The following GRIA4 variants were observed in gnomAD, a reference collection of about 807,000 sequenced individuals.
GRIA4 encodes the protein glutamate ionotropic receptor AMPA type subunit 4.
In GRIA4, 34 loss-of-function variants were observed where a neutral mutation model predicts 104.0. The ratio of observed to expected loss-of-function variants is 0.33; its 90% CI spans 0.25 to 0.44. The LOEUF (loss-of-function observed/expected upper bound fraction) is 0.44, where lower values mean the gene tolerates loss of function less well. GRIA4 is among the 20% of genes least tolerant of loss of function. The pLI is 1.00. For missense variants in GRIA4, 750 were observed against 1,096.5 expected, an observed-to-expected ratio of 0.68 and a Z score of 4.46; for synonymous variants, 386 against 381.9, an observed-to-expected ratio of 1.01 and a Z score of -0.13.
chr11:105,973,700 A>AT (rs1322956233), intron 15 of GRIA4, among the ~76,000 whole-genome samples: 1 of 152,096 alleles, frequency 6.6e-6, no homozygotes, highest in South Asian at 2.1e-4. Flanking sequence ...CAAAAGTAAC[A>AT]TTTTCCATGA....
chr11:105,708,932 G>A (rs540746297), intron 3 of GRIA4, among the ~76,000 whole-genome samples: 2 of 150,462 alleles, frequency 1.3e-5, no homozygotes, highest in African/African-American at 4.9e-5. Flanking sequence ...ATGTGTAGAT[G>A]TGTGTGTAAG....
intron 3 of GRIA4, chr11:105,707,991 G>A (rs994809959): frequency 6.6e-6 from 1 of 152,108 alleles, no homozygotes; most frequent in Non-Finnish European, 1.5e-5. Context: ...GCTCAGGAAA[G>A]TGTCTGTCAC....
intron 4 of GRIA4, among the ~76,000 whole-genome samples, chr11:105,783,647 T>C (rs1941824614): frequency 6.6e-6 from 1 of 152,168 alleles, no homozygotes; most frequent in South Asian, 2.1e-4. Context: ...TGGATATTTT[T>C]CACTCACAGA....
At chr11:105,612,470 A>G (rs1481388467) in intron 3 of GRIA4, 36 bp downstream of exon 3, 1 of 1,572,722 alleles carries the variant, frequency 6.4e-7, no homozygotes, top group African/African-American at 1.4e-5. Flanking sequence ...ATTAGAAGAG[A>G]ACTGAAACCA....
intron 4 of GRIA4, among the ~76,000 whole-genome samples, chr11:105,828,542 CT>C (rs1297438297): frequency 2.0e-5 from 3 of 151,672 alleles, no homozygotes; most frequent in Non-Finnish European, 4.4e-5. Flanking sequence ...GAAAATTATA[CT>C]TTGGAAAGTT....
At chr11:105,632,388 G>A (rs1338189785) in intron 3 of GRIA4, among the ~76,000 whole-genome samples, 1 of 152,108 alleles carries the variant, frequency 6.6e-6, no homozygotes, top group Non-Finnish European at 1.5e-5. Context: ...CTGCTTTAAT[G>A]TCTGTCCCCA....
At chr11:105,614,702 G>A (rs1194473930) in intron 3 of GRIA4, among the ~76,000 whole-genome samples, 3 of 151,862 alleles carry the variant, frequency 2.0e-5, no homozygotes, top group Non-Finnish European at 4.4e-5. Flanking sequence ...TTCTAGCAGA[G>A]AAAAGGAAAG....
chr11:105,945,500 A>G (rs557522539), intron 14 of GRIA4: 1 of 954,444 alleles, frequency 1.0e-6, no homozygotes, highest in Non-Finnish European at 1.2e-6. Flanking sequence ...TCCAGGACCA[A>G]GGTAAGAGGG....
chr11:105,728,726 A>T (rs1158356586), intron 3 of GRIA4, among the ~76,000 whole-genome samples: 1 of 152,202 alleles, frequency 6.6e-6, no homozygotes, highest in Non-Finnish European at 1.5e-5. Flanking sequence ...CTACATGGAA[A>T]CTGAATAACC....
intron 4 of GRIA4, among the ~76,000 whole-genome samples, chr11:105,829,301 C>A (rs1471058972): frequency 6.6e-6 from 1 of 151,968 alleles, no homozygotes; most frequent in Admixed American, 6.6e-5. Flanking sequence ...CCCCAACTTC[C>A]TGACAATGCA....
chr11:105,946,166 G>A (rs1948305593), intron 14 of GRIA4, among the ~76,000 whole-genome samples: 1 of 152,116 alleles, frequency 6.6e-6, no homozygotes, highest in East Asian at 1.9e-4. Context: ...TCTTTTAATG[G>A]TTTTCACTAT....
intron 5 of GRIA4, among the ~76,000 whole-genome samples, chr11:105,863,773 C>T (rs1188939137): frequency 6.6e-6 from 1 of 152,226 alleles, no homozygotes; most frequent in East Asian, 1.9e-4. Flanking sequence ...CTCAGAAAGA[C>T]CCTCCACTTA....
chr11:105,680,554 T>C (rs947735247), intron 3 of GRIA4, among the ~76,000 whole-genome samples: 1 of 152,160 alleles, frequency 6.6e-6, no homozygotes, highest in African/African-American at 2.4e-5. Flanking sequence ...TGGCACACTT[T>C]ATTTGCTACG....
chr11:105,887,923 G>A (rs908448328), intron 6 of GRIA4, among the ~76,000 whole-genome samples: 3 of 152,082 alleles, frequency 2.0e-5, no homozygotes, highest in African/African-American at 7.2e-5. Flanking sequence ...TAAACTAATA[G>A]CTTATGTTCT....
At chr11:105,714,864 G>A (rs1412947117) in intron 3 of GRIA4, among the ~76,000 whole-genome samples, 3 of 151,898 alleles carry the variant, frequency 2.0e-5, no homozygotes, top group East Asian at 3.9e-4. Flanking sequence ...GTGTCTCTGA[G>A]AGACTTCGAT....
At chr11:105,627,270 T>C (rs1164830352) in intron 3 of GRIA4, among the ~76,000 whole-genome samples, 1 of 151,582 alleles carries the variant, frequency 6.6e-6, no homozygotes, top group Non-Finnish European at 1.5e-5. Context: ...ATAATGCATC[T>C]GGAGAATAGA....
At chr11:105,933,992 A>G in intron 14 of GRIA4, 23 bp downstream of exon 14, 1 of 1,589,578 alleles carries the variant, frequency 6.3e-7, no homozygotes, top group Non-Finnish European at 8.6e-7. Flanking sequence ...GTATAACAAT[A>G]TAACATGTGT....
intron 4 of GRIA4, among the ~76,000 whole-genome samples, chr11:105,764,597 A>G (rs1940843908): frequency 6.6e-6 from 1 of 151,814 alleles, no homozygotes; most frequent in Admixed American, 6.6e-5. Flanking sequence ...AGACCCCCCT[A>G]CTCCCACCCT....
intron 14 of GRIA4, among the ~76,000 whole-genome samples, chr11:105,935,476 T>C (rs976847188): frequency 6.6e-6 from 1 of 152,162 alleles, no homozygotes; most frequent in Non-Finnish European, 1.5e-5. Context: ...AGGGTTTATT[T>C]TGTGTGATGC....
Sources: gnomAD v4.1 joint callset for allele counts (sites outside exome capture counted in the v4.1 genomes callset) on GRCh38, gnomAD v4.1.1 for gene constraint, MANE v1.5 for transcripts, NCBI Gene and HGNC (gene_info 2026-07-23, HGNC 2026-07-21) for gene names.